Variants in WDR27 observed in about 807,000 individuals in gnomAD.
The protein encoded by WDR27 is WD repeat-containing protein 27.
A neutral mutation model predicts 114.4 loss-of-function variants in WDR27; 100 were observed. The observed-to-expected ratio is 0.87, with a 90% CI of 0.74 to 1.03. The LOEUF (loss-of-function observed/expected upper bound fraction) is 1.03. Among genes scored for constraint, WDR27 ranks in the 50% least tolerant of loss-of-function variants. WDR27 has a pLI of 0.00. For synonymous variants in WDR27, 449 were observed against 423.1 expected (o/e 1.06, Z -0.75); for missense variants, 1,129 against 1,092.9 (o/e 1.03, Z -0.47).
chr6:169,602,130 T>C, intron 23 of WDR27, 89 bp downstream of exon 23: 1 of 954,188 alleles, frequency 1.0e-6, no homozygotes, highest in Non-Finnish European at 1.5e-6. Flanking sequence ...GAAAGTAGGT[T>C]TCTATCCTAA....
chr6:169,450,435 G>A, the WDR27 span, among the ~76,000 whole-genome samples: 1 of 152,232 alleles, frequency 6.6e-6, no homozygotes, highest in Non-Finnish European at 1.5e-5. Context: ...AATTGCACAG[G>A]AGCGAGGCCA....
At chr6:169,576,166 A>G (rs976280072) in intron 24 of WDR27, among the ~76,000 whole-genome samples, 4 of 152,264 alleles carry the variant, frequency 2.6e-5, no homozygotes, top group South Asian at 2.1e-4. Flanking sequence ...GAGTGTGTTC[A>G]TGTTTGGAAA....
At chr6:169,668,250 G>T in intron 4 of WDR27, 65 bp from the exon 5 acceptor site, 1 of 1,549,168 alleles carries the variant, frequency 6.5e-7, no homozygotes, top group Non-Finnish European at 8.9e-7. Flanking sequence ...TAAACCAAGG[G>T]TGAAAAGTCA....
At chr6:169,468,110 C>T (rs1785849343) in intron 25 of WDR27, among the ~76,000 whole-genome samples, 2 of 152,194 alleles carry the variant, frequency 1.3e-5, no homozygotes, top group African/African-American at 4.8e-5. Flanking sequence ...ACAAGAGGGA[C>T]CTTTACTCCA....
At chr6:169,573,647 T>C (rs1801804505) in intron 24 of WDR27, among the ~76,000 whole-genome samples, 1 of 152,232 alleles carries the variant, frequency 6.6e-6, no homozygotes, top group Non-Finnish European at 1.5e-5. Context: ...GATAGTAATA[T>C]AAAATCAATT....
chr6:169,630,948 T>C (rs771930075), intron 21 of WDR27, among the ~76,000 whole-genome samples: 1 of 152,140 alleles, frequency 6.6e-6, no homozygotes, highest in Non-Finnish European at 1.5e-5. Context: ...ATTTTAAAAG[T>C]TAGTAACTCA....
rs116708848 is a variant in WDR27, at chr6:169,659,045, G to A, written c.1319+41C>T. 1.2e-3 allele frequency: 1,817 copies of A among 1,488,338 alleles called. 26 individuals are homozygous for A. The African/African-American group carries it at 0.024, about 19-fold the overall frequency. 92.2% of individuals were successfully genotyped at this position (1,488,338 alleles called of 1,614,324 possible). On this transcript the variant is annotated intron_variant, in intron 12 of 25. Coordinates refer to ENST00000448612, the MANE Select transcript of WDR27 (RefSeq NM_182552.5). The surrounding 1 kb of genome is among the most constrained non-coding windows in gnomAD (Gnocchi z 4.3). Reference sequence around the variant, plus strand: ...CATAGAAATCCAGATGGCACTTATTGGTGAACACACACACACACTCCACAC... The same window carrying A: ...CATAGAAATCCAGATGGCACTTATTAGTGAACACACACACACACTCCACAC...
the WDR27 span, chr6:169,427,207 C>G: frequency 6.6e-6 from 1 of 152,530 alleles, no homozygotes; most frequent in Non-Finnish European, 1.5e-5. Context: ...CGATCATCAC[C>G]GCTGCAGCAC....
downstream of WDR27, among the ~76,000 whole-genome samples, chr6:169,455,852 C>G (rs575738483): frequency 1.4e-3 from 211 of 152,220 alleles, no homozygotes; most frequent in Non-Finnish European, 2.2e-3. Flanking sequence ...TAAGTCTTCC[C>G]CTGATAGAGG....
chr6:169,519,889 C>T (rs1029321723), intron 25 of WDR27, among the ~76,000 whole-genome samples: 16 of 152,094 alleles, frequency 1.1e-4, no homozygotes, highest in African/African-American at 3.9e-4. Context: ...ATCTTCTTGA[C>T]ATGAAGTACA....
rs532288380 is a variant in WDR27 at position 169,582,660 on chromosome 6, TTC to T, written c.2523+174_2523+175del. ...TCATTTCTCCACAATAAAGGTTTAT[TTC>T]TCTCTCTCTCGCCAATAAAAATATA... On this transcript the variant is annotated intron_variant, in intron 24 of 25. Transcript: ENST00000448612. Among the ~76,000 whole-genome samples, 4 of 152,184 alleles carry T rather than the reference TTC, an allele frequency of 2.6e-5. No homozygotes were observed. In the East Asian group the frequency reaches 7.7e-4, roughly 29 times the overall value.
chr6:169,637,169 A>G (rs912884961), intron 18 of WDR27, among the ~76,000 whole-genome samples: 1 of 152,090 alleles, frequency 6.6e-6, no homozygotes, highest in East Asian at 1.9e-4. Context: ...AAGGTTATCT[A>G]TCATCTTCCT....
intron 1 of WDR27, among the ~76,000 whole-genome samples, chr6:169,691,600 T>C (rs1321504090): frequency 2.0e-5 from 3 of 152,222 alleles, no homozygotes; most frequent in African/African-American, 4.8e-5. Context: ...AAAATGCTAA[T>C]AATACACTCA....
chr6:169,634,682 A>T lies in WDR27; in HGVS notation c.2004-157T>A, dbSNP rs186615651. ...AGGGGAAAAGTGAATTAGCTACCTTAATTTTTCTTTAGGAAAAAAAACCTG... is the reference window on the plus strand; with the variant it reads ...AGGGGAAAAGTGAATTAGCTACCTTTATTTTTCTTTAGGAAAAAAAACCTG... On this transcript the variant is annotated intron_variant, in intron 19 of 25. Transcript: ENST00000448612. 2.6e-5 allele frequency among the ~76,000 whole-genome samples: 4 copies of T among 152,250 alleles called. No individual in the cohort carries two copies. The East Asian group carries it at 7.7e-4, about 29-fold the overall frequency.
rs149201673 is a variant in WDR27 at position 169,476,770 on chromosome 6, A to G, written c.2646-19136T>C. On this transcript the variant is annotated intron_variant, in intron 25 of 25. Transcript: ENST00000448612. ...TTACTTAGTTATTGTTAGTGTAATTATTGTTGTAACTAGATACTGCATGCA... is the reference window on the plus strand; with the variant it reads ...TTACTTAGTTATTGTTAGTGTAATTGTTGTTGTAACTAGATACTGCATGCA... 9.1e-3 allele frequency among the ~76,000 whole-genome samples: 1,386 copies of G among 152,316 alleles called. 12 individuals are homozygous for G. Among genetic ancestry groups the G allele is most frequent in the South Asian group, 0.021 (100 of 4,818 alleles).
At chr6:169,442,993 A>G in the WDR27 span, among the ~76,000 whole-genome samples, 1 of 152,250 alleles carries the variant, frequency 6.6e-6, no homozygotes, top group Non-Finnish European at 1.5e-5. Context: ...ACCAATGGCA[A>G]TGAGAGGAGA....
chr6:169,680,754 A>G (rs1781307287), intron 2 of WDR27, among the ~76,000 whole-genome samples: 1 of 152,252 alleles, frequency 6.6e-6, no homozygotes, highest in Non-Finnish European at 1.5e-5. Context: ...CAATGCTAAC[A>G]TTAACGAAAA....
intron 25 of WDR27, among the ~76,000 whole-genome samples, chr6:169,538,336 T>C (rs1387809461): frequency 4.6e-5 from 7 of 152,142 alleles, no homozygotes; most frequent in Non-Finnish European, 7.4e-5. Context: ...CCTGTACTCT[T>C]ATGTCATTTA....
At chr6:169,440,629 C>G in the WDR27 span, among the ~76,000 whole-genome samples, 1,351 of 152,188 alleles carry the variant, frequency 8.9e-3, 29 homozygotes, top group African/African-American at 0.031. Context: ...AAGTGAAAAT[C>G]TATTTATTAT....
Sources: gnomAD v4.1 joint callset for allele counts (sites outside exome capture counted in the v4.1 genomes callset) on GRCh38, gnomAD v4.1.1 for gene constraint, Gnocchi (gnomAD v3.1) non-coding constraint, MANE v1.5 for transcripts, NCBI Gene and HGNC (gene_info 2026-07-23, HGNC 2026-07-21) for gene names.